The following SEMA5A variants were observed in gnomAD, a reference collection of about 807,000 sequenced individuals.
The protein encoded by SEMA5A is semaphorin 5A, also known as semaphorin-5A.
A neutral mutation model predicts 135.5 loss-of-function variants in SEMA5A; 55 were observed. The ratio of observed to expected loss-of-function variants is 0.41; its 90% confidence interval spans 0.33 to 0.51. The LOEUF is 0.51. Ranked by LOEUF, SEMA5A falls within the 20% of genes least tolerant of loss-of-function variation. The pLI is 0.37. For missense variants in SEMA5A, 1,290 were observed against 1,419.9 expected (o/e 0.91, Z 1.47); for synonymous variants, 580 against 546.5 (o/e 1.06, Z -0.85).
In SEMA5A at chr5:9,052,014, A is replaced by G; in HGVS notation, c.2704T>C (p.Trp902Arg). The change falls in exon 20 of 23, where the codon TGG (tryptophan) becomes CGG (arginine). Residue 902 changes from tryptophan to arginine, a missense_variant. Physicochemically the swap from Trp to Arg is moderately radical, Grantham distance 101. Transcript: ENST00000382496. ...GCTTCACACTCAGACCAGTCCGACCACTCCGACCAGCTCTCTGCAGAGACC... is the reference window on the plus strand; with the variant it reads ...GCTTCACACTCAGACCAGTCCGACCGCTCCGACCAGCTCTCTGCAGAGACC... ...TQPCPESWSEWSDWSECEASG... is the reference protein window; with the variant it reads ...TQPCPESWSERSDWSECEASG... 1 of 1,608,662 alleles carries G rather than the reference A, an allele frequency of 6.2e-7. No homozygotes were observed. Among genetic ancestry groups the G allele is most frequent in the Non-Finnish European group, 8.5e-7 (1 of 1,176,746 alleles).
chr5:9,404,579 GGTTT>G (rs1204959604), intron 2 of SEMA5A, among the ~76,000 whole-genome samples: 1 of 152,136 alleles, frequency 6.6e-6, no homozygotes, highest in Non-Finnish European at 1.5e-5. Flanking sequence ...TGTATCACTA[GGTTT>G]CTTACTTAAT....
chr5:9,089,138 T>C (rs1251253054), intron 16 of SEMA5A, among the ~76,000 whole-genome samples: 1 of 152,204 alleles, frequency 6.6e-6, no homozygotes, highest in Non-Finnish European at 1.5e-5. Context: ...CTCATTCCTT[T>C]ATTTTTGGCC....
intron 13 of SEMA5A, 23 bp from the exon 14 acceptor site, chr5:9,122,860 G>A (rs1237475046): frequency 2.5e-6 from 4 of 1,568,962 alleles, no homozygotes; most frequent in East Asian, 2.3e-5. Flanking sequence ...ACCAAGCAGA[G>A]GTGTCAGAAA....
rs1260811781 is a variant in SEMA5A, at chr5:9,435,630, G to A, written c.-78+2126C>T. Among the ~76,000 whole-genome samples the A allele has an allele frequency of 2.6e-5, 4 of 152,020 alleles. No individual in the cohort carries two copies. In the East Asian group the frequency reaches 5.8e-4, roughly 22 times the overall value. ...TCATTCACTATACTATGAGGTCTTC[G>A]GCAGTGCAAGGATCGTGTCAATCAT... On this transcript the variant is annotated intron_variant, in intron 2 of 22. Transcript: ENST00000382496.
At chr5:9,119,430 A>G (rs1194125899) in intron 14 of SEMA5A, among the ~76,000 whole-genome samples, 1 of 152,242 alleles carries the variant, frequency 6.6e-6, no homozygotes, top group South Asian at 2.1e-4. Context: ...AACTTGAGTC[A>G]TGAAAATATT....
At chr5:9,118,279 A>C (rs1740627882) in intron 15 of SEMA5A, among the ~76,000 whole-genome samples, 1 of 152,224 alleles carries the variant, frequency 6.6e-6, no homozygotes, top group South Asian at 2.1e-4. Context: ...CCCAATAGTG[A>C]CAAATTAGAA....
chr5:9,431,052 CA>C (rs1757840116), intron 2 of SEMA5A, among the ~76,000 whole-genome samples: 1 of 152,092 alleles, frequency 6.6e-6, no homozygotes, highest in South Asian at 2.1e-4. Context: ...GAATGGGATA[CA>C]GTTTGGCCAA....
chr5:9,198,783 G>A (rs916043008), intron 9 of SEMA5A, among the ~76,000 whole-genome samples: 17 of 152,150 alleles, frequency 1.1e-4, no homozygotes, highest in African/African-American at 4.1e-4. Context: ...CATGTGAGTG[G>A]ACTTTAATAA....
rs1230460126 is a variant in SEMA5A at position 9,038,855 on chromosome 5, G to C, written c.*4042C>G. 6.6e-6 allele frequency: 1 copy of C among 151,422 alleles called. No individual in the cohort carries two copies. Among genetic ancestry groups the C allele is most frequent in the Non-Finnish European group, 1.5e-5 (1 of 68,020 alleles). 9.4% of individuals were successfully genotyped at this position (151,422 alleles called of 1,614,324 possible). Reference sequence around the variant, plus strand: ...TGATACTCCCGCCTCAGCCTCCCAAGAAACTGGGACCACAGGCACGCACCA... The same window carrying C: ...TGATACTCCCGCCTCAGCCTCCCAACAAACTGGGACCACAGGCACGCACCA... On this transcript the variant is annotated 3_prime_UTR_variant, in exon 23 of 23. Coordinates refer to ENST00000382496, the MANE Select transcript of SEMA5A (RefSeq NM_003966.3).
At chr5:9,328,956 T>C (rs1427760070) in intron 4 of SEMA5A, among the ~76,000 whole-genome samples, 2 of 152,144 alleles carry the variant, frequency 1.3e-5, no homozygotes, top group African/African-American at 4.8e-5. Context: ...CCCCAGCTAA[T>C]GCTCAGAGCT....
intron 12 of SEMA5A, among the ~76,000 whole-genome samples, chr5:9,153,120 G>C (rs1742726003): frequency 6.6e-6 from 1 of 151,306 alleles, no homozygotes; most frequent in African/African-American, 2.4e-5. Flanking sequence ...CCTAGCTTCT[G>C]AGTTCCAAAG....
At chr5:9,087,955 T>C (rs1738794690) in intron 16 of SEMA5A, among the ~76,000 whole-genome samples, 1 of 152,150 alleles carries the variant, frequency 6.6e-6, no homozygotes, top group Non-Finnish European at 1.5e-5. Context: ...GACAAATAAT[T>C]CAATAAGGTG....
intron 4 of SEMA5A, among the ~76,000 whole-genome samples, chr5:9,329,855 G>A (rs1341958491): frequency 6.6e-6 from 1 of 152,068 alleles, no homozygotes; most frequent in Non-Finnish European, 1.5e-5. Context: ...ATTGGTATTT[G>A]CCTATAACCT....
rs527668036 is a variant in SEMA5A at position 9,207,460 on chromosome 5, T to C, written c.647-5220A>G. 2.6e-5 allele frequency among the ~76,000 whole-genome samples: 4 copies of C among 152,218 alleles called. No homozygotes were observed. The South Asian group carries it at 8.3e-4, about 32-fold the overall frequency. On this transcript the variant is annotated intron_variant, in intron 8 of 22. Transcript: ENST00000382496. The stretch of plus-strand genomic sequence containing the variant: ...TCAGCCTCCCAAAGTGCTGGGATTA[T>C]AGGCATGAGCCACTGCCCCTGGTCT...
intron 2 of SEMA5A, among the ~76,000 whole-genome samples, chr5:9,408,832 T>C (rs897293461): frequency 1.3e-5 from 2 of 150,906 alleles, no homozygotes; most frequent in Non-Finnish European, 2.9e-5. Flanking sequence ...AAATTTTTAG[T>C]TATTTTTTTT....
intron 11 of SEMA5A, among the ~76,000 whole-genome samples, chr5:9,158,439 GA>G (rs1228844416): frequency 1.3e-4 from 20 of 151,052 alleles, no homozygotes; most frequent in Admixed American, 6.6e-4. Context: ...TTATTTGCAT[GA>G]AAAAAAGTGC....
At chr5:9,308,775 C>A (rs1751989249) in intron 5 of SEMA5A, among the ~76,000 whole-genome samples, 1 of 152,108 alleles carries the variant, frequency 6.6e-6, no homozygotes, top group South Asian at 2.1e-4. Flanking sequence ...TTGGCTAAAT[C>A]ACATAAACTT....
rs376937146 is a variant in SEMA5A at position 9,204,719 on chromosome 5, G to A, written c.647-2479C>T. Among the ~76,000 whole-genome samples the A allele has an allele frequency of 7.9e-5, 12 of 152,098 alleles. No homozygotes were observed. Among genetic ancestry groups the A allele is most frequent in the African/African-American group, 2.9e-4 (12 of 41,428 alleles). On this transcript the variant is annotated intron_variant, in intron 8 of 22. Transcript: ENST00000382496. This position sits in a 1 kb window ranked among gnomAD's most constrained non-coding sequence, Gnocchi z 6.4. ...GAAAGTCCTGAATCCATTAGACCGG[G>A]GGTCACCAACCCCCAGGACATGGAC...
At position 9,220,873 on chromosome 5, in the gene SEMA5A, G is replaced by A. The variant is rs148559275; in HGVS notation, c.646+3801C>T. ...TGGGACTGGGGAGAACCACAGCAGC[G>A]CCGCATGGTGGGATGCAAAGGGCAG... On this transcript the variant is annotated intron_variant, in intron 8 of 22. Coordinates refer to ENST00000382496, the MANE Select transcript of SEMA5A (RefSeq NM_003966.3). 1.3e-3 allele frequency among the ~76,000 whole-genome samples: 196 copies of A among 152,266 alleles called. 3 individuals carry two copies. The highest frequency in any genetic ancestry group is 4.4e-3 in the African/African-American group (183 of 41,556).
Sources: allele counts gnomAD v4.1 joint callset (sites outside exome capture counted in the v4.1 genomes callset), GRCh38; gene constraint gnomAD v4.1.1; non-coding constraint Gnocchi (gnomAD v3.1); transcripts MANE v1.5; gene names NCBI Gene and HGNC (gene_info 2026-07-23, HGNC 2026-07-21).